Variants in TMEM132C observed in about 807,000 individuals in gnomAD.
TMEM132C encodes the protein transmembrane protein 132C.
Under a neutral mutation model 61.4 loss-of-function variants are expected in TMEM132C, and 29 were observed. The observed-to-expected ratio is 0.47, with a 90% CI of 0.35 to 0.64. The LOEUF (loss-of-function observed/expected upper bound fraction) is 0.64, where lower values mean the gene tolerates loss of function less well. Among genes scored for constraint, TMEM132C ranks in the 30% least tolerant of loss-of-function variants. The probability of loss-of-function intolerance (pLI) is 0.00; values close to 1 mark genes in which losing one functional copy is unlikely to be tolerated. For synonymous variants in TMEM132C, 656 were observed against 633.1 expected, an observed-to-expected ratio of 1.04 and a Z score of -0.54; for missense variants, 1,408 against 1,476.9, an observed-to-expected ratio of 0.95 and a Z score of 0.76.
chr12:128,694,391 T>C (rs960419941), intron 6 of TMEM132C, among the ~76,000 whole-genome samples: 3 of 152,380 alleles, frequency 2.0e-5, no homozygotes, highest in Non-Finnish European at 4.4e-5. Context: ...TATGCATATC[T>C]ATAAGCTTGA....
intron 1 of TMEM132C, 116 bp from the exon 2 acceptor site, chr12:128,414,616 G>GGGCTT (rs1868688524): frequency 8.8e-7 from 1 of 1,142,124 alleles, no homozygotes; most frequent in South Asian, 1.9e-5. Flanking sequence ...CTAGCCAAGT[G>GGGCTT]GGCTTCAGAA....
rs2005331 is a variant in TMEM132C at position 128,466,663 on chromosome 12, G to A, written c.974+51043G>A. ...ACTCCATCCTCTGCCTCCTGAGTAC[G>A]TGCCACCATGCCTGGCTAATTTTTG... On this transcript the variant is annotated intron_variant, in intron 2 of 8. Transcript: ENST00000435159. Among the ~76,000 whole-genome samples, 977 of 152,200 alleles carry A rather than the reference G, an allele frequency of 6.4e-3. 15 individuals are homozygous for A. The highest frequency in any genetic ancestry group is 0.022 in the African/African-American group (922 of 41,530).
rs71449340 is a variant in TMEM132C, at chr12:128,319,354, C to CGAGAGAGAGAGAGAGAGAGAGAGA, written c.85+51885_85+51886insGAGAGAGAGAGAGAGAGAGAGAGA. The stretch of plus-strand genomic sequence containing the variant: ...TCCCTCCACTCAAGATTTGCAGTCC[C>CGAGAGAGAGAGAGAGAGAGAGAGA]GAGAGAGAGAGAGAGAGACAGAGAG... On this transcript the variant is annotated intron_variant, in intron 1 of 8. Transcript: ENST00000435159. Among the ~76,000 whole-genome samples the CGAGAGAGAGAGAGAGAGAGAGAGA allele has an allele frequency of 1.8e-3, 273 of 149,372 alleles. 2 individuals are homozygous for CGAGAGAGAGAGAGAGAGAGAGAGA. Among genetic ancestry groups the CGAGAGAGAGAGAGAGAGAGAGAGA allele is most frequent in the African/African-American group, 6.5e-3 (267 of 40,804 alleles).
intron 3 of TMEM132C, among the ~76,000 whole-genome samples, chr12:128,550,240 G>A (rs1469162036): frequency 2.6e-5 from 4 of 152,056 alleles, no homozygotes; most frequent in Non-Finnish European, 2.9e-5. Flanking sequence ...CCACCCTCTC[G>A]GCATCTTGTG....
chr12:128,280,744 C>G (rs905036843), intron 1 of TMEM132C, among the ~76,000 whole-genome samples: 11 of 152,218 alleles, frequency 7.2e-5, no homozygotes, highest in Non-Finnish European at 1.5e-4. Context: ...CTTGGAAGTT[C>G]CAAGTTTACA....
chr12:128,317,378 G>C (rs1396210051), intron 1 of TMEM132C, among the ~76,000 whole-genome samples: 1 of 152,184 alleles, frequency 6.6e-6, no homozygotes, highest in African/African-American at 2.4e-5. Context: ...TAGGGGTCCG[G>C]ATCTTGGTAC....
At chr12:128,603,146 C>G (rs1250341910) in intron 3 of TMEM132C, among the ~76,000 whole-genome samples, 2 of 151,700 alleles carry the variant, frequency 1.3e-5, no homozygotes, top group East Asian at 3.9e-4. Context: ...GAGCAGTGCA[C>G]GGAGAGAGTG....
rs1234810494 is a variant in TMEM132C at position 128,622,358 on chromosome 12, AAAATATATATATATAT to A, written c.1305+6025_1305+6040del. ...GACTTTGTCTCAAAAAAAAAAAAAA[AAAATATATATATATAT>A]ATATATATATATATATATATATATA... On this transcript the variant is annotated intron_variant, in intron 4 of 8. Transcript: ENST00000435159. Among the ~76,000 whole-genome samples, 137 of 48,292 alleles carry A rather than the reference AAAATATATATATATAT, an allele frequency of 2.8e-3. 7 individuals are homozygous for A. The highest frequency in any genetic ancestry group is 0.015 in the African/African-American group (123 of 8,444). 31.7% of individuals were successfully genotyped at this position (48,292 alleles called of 152,430 possible). A position where few individuals can be genotyped will look rare whatever the true frequency, so the allele number is the denominator to read the frequency against.
chr12:128,665,111 A>C (rs1954443531), intron 4 of TMEM132C, among the ~76,000 whole-genome samples: 4 of 151,582 alleles, frequency 2.6e-5, no homozygotes, highest in Admixed American at 2.6e-4. Context: ...GCACACACAC[A>C]GGCACTCACA....
At chr12:128,685,734 G>A (rs1253890430) in intron 5 of TMEM132C, among the ~76,000 whole-genome samples, 1 of 144,430 alleles carries the variant, frequency 6.9e-6, no homozygotes, top group African/African-American at 2.6e-5. Context: ...TCATGGCTGA[G>A]AGCAGACCTC....
chr12:128,664,358 G>A (rs1954435937), intron 4 of TMEM132C, among the ~76,000 whole-genome samples: 1 of 152,170 alleles, frequency 6.6e-6, no homozygotes, highest in Non-Finnish European at 1.5e-5. Flanking sequence ...TGTTTTCTCA[G>A]AAGCCTCTGG....
intron 2 of TMEM132C, among the ~76,000 whole-genome samples, chr12:128,460,112 G>T (rs187361017): frequency 6.6e-6 from 1 of 152,100 alleles, no homozygotes; most frequent in South Asian, 2.1e-4. Context: ...AAGAGAACTC[G>T]TTGGGAGATA....
chr12:128,462,478 T>C (rs1870568527), intron 2 of TMEM132C, among the ~76,000 whole-genome samples: 1 of 152,170 alleles, frequency 6.6e-6, no homozygotes, highest in African/African-American at 2.4e-5. Flanking sequence ...CTTGCGTTCT[T>C]GTGTATTTAT....
intron 2 of TMEM132C, among the ~76,000 whole-genome samples, chr12:128,487,473 C>CGTGT (rs10608040): frequency 6.7e-6 from 1 of 149,934 alleles, no homozygotes; most frequent in African/African-American, 2.5e-5. Flanking sequence ...AAATTGTGTG[C>CGTGT]GTGTGTGTGT....
rs913050515 is a variant in TMEM132C, at chr12:128,278,389, C to G, written c.85+10902C>G. On this transcript the variant is annotated intron_variant, in intron 1 of 8. Transcript: ENST00000435159. The surrounding 1 kb of genome is among the most constrained non-coding windows in gnomAD (Gnocchi z 4.2). ...GACTTTTCTCATTTGCCTTCAAACTCAGTGTTTTCATCTGTCGTGTTCATA... is the reference window on the plus strand; with the variant it reads ...GACTTTTCTCATTTGCCTTCAAACTGAGTGTTTTCATCTGTCGTGTTCATA... Among the ~76,000 whole-genome samples, 1 of 152,188 alleles carries G rather than the reference C, an allele frequency of 6.6e-6. No homozygotes were observed. Among genetic ancestry groups the G allele is most frequent in the African/African-American group, 2.4e-5 (1 of 41,448 alleles).
intron 2 of TMEM132C, among the ~76,000 whole-genome samples, chr12:128,420,136 C>T (rs1445288898): frequency 6.6e-6 from 1 of 152,064 alleles, no homozygotes; most frequent in Admixed American, 6.6e-5. Flanking sequence ...GTGGAGGTTG[C>T]AGTGAGCCAA....
chr12:128,611,286 TA>T (rs2135580545), intron 3 of TMEM132C, among the ~76,000 whole-genome samples: 1 of 152,360 alleles, frequency 6.6e-6, no homozygotes, highest in South Asian at 2.1e-4. Context: ...TTCAAACTGC[TA>T]ACTTTCTTCC....
intron 4 of TMEM132C, among the ~76,000 whole-genome samples, chr12:128,640,480 G>A (rs1199105983): frequency 6.6e-6 from 1 of 152,124 alleles, no homozygotes; most frequent in Non-Finnish European, 1.5e-5. Context: ...GGGAGGGACT[G>A]GGGGCAACTC....
chr12:128,575,507 CAT>C (rs938412038), intron 3 of TMEM132C, among the ~76,000 whole-genome samples: 92 of 152,038 alleles, frequency 6.1e-4, no homozygotes, highest in African/African-American at 2.0e-3. Flanking sequence ...AAAAAAAGGA[CAT>C]GTGTCAAATA....
Sources: gnomAD v4.1 joint callset for allele counts (sites outside exome capture counted in the v4.1 genomes callset) on GRCh38, gnomAD v4.1.1 for gene constraint, Gnocchi (gnomAD v3.1) non-coding constraint, MANE v1.5 for transcripts, NCBI Gene and HGNC (gene_info 2026-07-23, HGNC 2026-07-21) for gene names.